Variants in ASTN2 observed in about 807,000 individuals in gnomAD.
ASTN2 encodes the protein astrotactin 2.
A neutral mutation model predicts 139.8 loss-of-function variants in ASTN2; 54 were observed. That is an observed-to-expected ratio of 0.39 (90% confidence interval 0.31 to 0.48). ASTN2 has a LOEUF of 0.48. Ranked by LOEUF, ASTN2 falls within the 20% of genes least tolerant of loss-of-function variation. The probability of loss-of-function intolerance (pLI) is 0.95; values close to 1 mark genes in which losing one functional copy is unlikely to be tolerated. For missense variants in ASTN2, 1,565 were observed against 1,725.1 expected, an observed-to-expected ratio of 0.91 and a Z score of 1.64; for synonymous variants, 756 against 719.5, an observed-to-expected ratio of 1.05 and a Z score of -0.81.
At chr9:117,356,639 C>A (rs1200878435) in intron 1 of ASTN2, among the ~76,000 whole-genome samples, 3 of 151,686 alleles carry the variant, frequency 2.0e-5, no homozygotes, top group African/African-American at 7.3e-5. Context: ...AATACGGGTG[C>A]TTAAAATATA....
chr9:117,335,126 T>C (rs1587957993), intron 1 of ASTN2, among the ~76,000 whole-genome samples: 1 of 152,172 alleles, frequency 6.6e-6, no homozygotes. Context: ...GCTCACTCCA[T>C]TGCTTTATTT....
intron 10 of ASTN2, among the ~76,000 whole-genome samples, chr9:116,922,442 CA>C (rs1329698689): frequency 1.3e-5 from 2 of 152,070 alleles, no homozygotes; most frequent in African/African-American, 4.8e-5. Flanking sequence ...GTGTGCCTAT[CA>C]AAATGTCAAA....
intron 2 of ASTN2, among the ~76,000 whole-genome samples, chr9:117,247,335 CT>C (rs1833409959): frequency 6.6e-6 from 1 of 152,172 alleles, no homozygotes; most frequent in Non-Finnish European, 1.5e-5. Flanking sequence ...CCAGGCTGCC[CT>C]CCTGGCAGTA....
At chr9:116,428,872 C>A (rs1189698533) in intron 22 of ASTN2, among the ~76,000 whole-genome samples, 3 of 152,136 alleles carry the variant, frequency 2.0e-5, no homozygotes, top group Non-Finnish European at 4.4e-5. Flanking sequence ...AAAAAATTAA[C>A]AGACACATAA....
At chr9:116,459,373 C>T (rs1049604453) in intron 20 of ASTN2, among the ~76,000 whole-genome samples, 1 of 151,988 alleles carries the variant, frequency 6.6e-6, no homozygotes, top group Non-Finnish European at 1.5e-5. Flanking sequence ...TTGGATATTA[C>T]ATTAAAAGCA....
chr9:117,238,995 C>A (rs1191465565), intron 2 of ASTN2, among the ~76,000 whole-genome samples: 2 of 152,224 alleles, frequency 1.3e-5, no homozygotes, highest in African/African-American at 2.4e-5. Flanking sequence ...ATCAGCCAGG[C>A]AGCATGTTCT....
At chr9:116,530,022 G>A (rs1851254447) in intron 19 of ASTN2, among the ~76,000 whole-genome samples, 1 of 146,884 alleles carries the variant, frequency 6.8e-6, no homozygotes, top group Non-Finnish European at 1.5e-5. Flanking sequence ...CATGTTCATT[G>A]CAGCATTAGT....
intron 5 of ASTN2, among the ~76,000 whole-genome samples, chr9:117,081,630 AAAG>A (rs2132725895): frequency 6.6e-6 from 1 of 152,356 alleles, no homozygotes; most frequent in East Asian, 1.9e-4. Flanking sequence ...AGTTTATCAG[AAAG>A]AAGTTCATCT....
At chr9:117,264,366 C>T (rs1395255003) in intron 2 of ASTN2, among the ~76,000 whole-genome samples, 1 of 152,150 alleles carries the variant, frequency 6.6e-6, no homozygotes, top group African/African-American at 2.4e-5. Flanking sequence ...TCTGGCTCTA[C>T]CACTCATGGC....
At chr9:116,869,477 A>G (rs1359683676) in intron 10 of ASTN2, among the ~76,000 whole-genome samples, 1 of 152,162 alleles carries the variant, frequency 6.6e-6, no homozygotes, top group Non-Finnish European at 1.5e-5. Context: ...CTCACTCTAG[A>G]CACTTCATGT....
intron 10 of ASTN2, among the ~76,000 whole-genome samples, chr9:116,913,471 T>G (rs1012140695): frequency 6.6e-6 from 1 of 152,180 alleles, no homozygotes; most frequent in South Asian, 2.1e-4. Context: ...CTGATTCCCA[T>G]GAAACCCCGC....
At chr9:116,480,455 T>C (rs1375496386) in intron 20 of ASTN2, among the ~76,000 whole-genome samples, 3 of 152,194 alleles carry the variant, frequency 2.0e-5, no homozygotes, top group Admixed American at 6.5e-5. Flanking sequence ...CAAAGATTTA[T>C]TGGATTCTTA....
intron 5 of ASTN2, among the ~76,000 whole-genome samples, chr9:117,094,188 A>G (rs1425761110): frequency 1.1e-4 from 4 of 36,878 alleles, no homozygotes; most frequent in African/African-American, 1.8e-4. Context: ...GGGAGGGAGG[A>G]GAGGAGAGGA....
At chr9:116,744,263 C>T (rs763496807) in intron 13 of ASTN2, among the ~76,000 whole-genome samples, 14 of 152,154 alleles carry the variant, frequency 9.2e-5, no homozygotes, top group Middle Eastern at 3.4e-3. Context: ...GCTAAAGCAG[C>T]GAGTGAGAAG....
intron 5 of ASTN2, among the ~76,000 whole-genome samples, chr9:117,048,409 C>T (rs1350485971): frequency 6.6e-6 from 1 of 152,200 alleles, no homozygotes; most frequent in Admixed American, 6.5e-5. Context: ...CTACTTGGAG[C>T]CAAATGATTA....
chr9:117,396,901 A>G (rs1358673613), intron 1 of ASTN2, among the ~76,000 whole-genome samples: 1 of 151,726 alleles, frequency 6.6e-6, no homozygotes, highest in Non-Finnish European at 1.5e-5. Flanking sequence ...GCAATGTGAA[A>G]AAAGCACATC....
chr9:117,339,776 G>A (rs1421039099), intron 1 of ASTN2, among the ~76,000 whole-genome samples: 2 of 152,022 alleles, frequency 1.3e-5, no homozygotes, highest in Non-Finnish European at 1.5e-5. Flanking sequence ...AAGGAAGAAG[G>A]AGAAAGGGGA....
At chr9:117,382,939 C>A (rs978311871) in intron 1 of ASTN2, among the ~76,000 whole-genome samples, 1 of 152,080 alleles carries the variant, frequency 6.6e-6, no homozygotes, top group Non-Finnish European at 1.5e-5. Context: ...AGAATGAATA[C>A]TATATCCAGA....
intron 10 of ASTN2, among the ~76,000 whole-genome samples, chr9:116,964,507 C>T (rs1025678065): frequency 2.2e-4 from 33 of 152,030 alleles, no homozygotes; most frequent in Non-Finnish European, 1.0e-4. Context: ...TGGCAGGCAA[C>T]GGAGCAGGAG....
Sources: gnomAD v4.1 joint callset for allele counts (sites outside exome capture counted in the v4.1 genomes callset) on GRCh38, gnomAD v4.1.1 for gene constraint, MANE v1.5 for transcripts, NCBI Gene and HGNC (gene_info 2026-07-23, HGNC 2026-07-21) for gene names.